The following CC2D2A variants were observed in gnomAD, a reference collection of about 807,000 sequenced individuals.
CC2D2A encodes the protein coiled-coil and C2 domain-containing protein 2A.
In CC2D2A, 155 loss-of-function variants were observed where a neutral mutation model predicts 212.9. That is an observed-to-expected ratio of 0.73 (90% CI 0.64 to 0.83). The LOEUF is 0.83. Among genes scored for constraint, CC2D2A ranks in the 40% least tolerant of loss-of-function variants. The pLI, the probability that CC2D2A is intolerant of heterozygous loss-of-function variation, is 0.00. For missense variants in CC2D2A, 1,856 were observed against 1,956.2 expected, an observed-to-expected ratio of 0.95 and a Z score of 0.97; for synonymous variants, 667 against 686.5, an observed-to-expected ratio of 0.97 and a Z score of 0.44.
chr4:15,472,689 T>C (rs919366823), intron 1 of CC2D2A, among the ~76,000 whole-genome samples: 3 of 151,562 alleles, frequency 2.0e-5, no homozygotes, highest in Non-Finnish European at 2.9e-5. Flanking sequence ...AGTTGTTCAT[T>C]AGAGAGCTCT....
At chr4:15,501,159 C>A (rs1216705884) in intron 4 of CC2D2A, among the ~76,000 whole-genome samples, 1 of 152,130 alleles carries the variant, frequency 6.6e-6, no homozygotes, top group Non-Finnish European at 1.5e-5. Context: ...GGCTGTACCT[C>A]CAGGTTTTGG....
chr4:15,476,068 T>C (rs907018522), intron 2 of CC2D2A, 97 bp downstream of exon 2: 4 of 969,218 alleles, frequency 4.1e-6, no homozygotes, highest in Middle Eastern at 2.1e-4. Context: ...AACCAGCATC[T>C]ATTGCACATG....
intron 1 of CC2D2A, among the ~76,000 whole-genome samples, chr4:15,470,676 TC>T (rs1342611781): frequency 2.9e-5 from 2 of 69,418 alleles, no homozygotes; most frequent in African/African-American, 1.2e-4. Context: ...TCTCTCTCTC[TC>T]TCTCTCTCTC....
chr4:15,574,935 G>A (rs1043514268), intron 29 of CC2D2A, among the ~76,000 whole-genome samples: 15 of 152,296 alleles, frequency 9.8e-5, no homozygotes, highest in Middle Eastern at 3.4e-3. Flanking sequence ...TTCCATTACT[G>A]GAACGCTACG....
chr4:15,482,523 T>G (rs1030517225), intron 4 of CC2D2A, among the ~76,000 whole-genome samples: 1 of 152,164 alleles, frequency 6.6e-6, no homozygotes, highest in African/African-American at 2.4e-5. Context: ...TCTCTGTGCC[T>G]GCACTGGGGG....
At chr4:15,589,439 C>A (rs1261114482) in intron 32 of CC2D2A, 106 bp from the exon 33 acceptor site, 1 of 976,256 alleles carries the variant, frequency 1.0e-6, no homozygotes, top group Non-Finnish European at 1.5e-6. Flanking sequence ...CATGAAATTT[C>A]AGAAATTAAG....
At chr4:15,498,445 G>A (rs959391934) in intron 4 of CC2D2A, among the ~76,000 whole-genome samples, 17 of 152,016 alleles carry the variant, frequency 1.1e-4, no homozygotes, top group African/African-American at 4.1e-4. Flanking sequence ...TGTGTCAAAG[G>A]GCCATTTTCT....
At chr4:15,591,000 T>C (rs994342193) in intron 33 of CC2D2A, among the ~76,000 whole-genome samples, 6 of 152,154 alleles carry the variant, frequency 3.9e-5, no homozygotes, top group Non-Finnish European at 4.4e-5. Context: ...AGTGCTGGGA[T>C]TACAGGCGCG....
chr4:15,516,825 G>T, intron 11 of CC2D2A, 69 bp downstream of exon 11: 1 of 1,472,766 alleles, frequency 6.8e-7, no homozygotes, highest in East Asian at 2.4e-5. Flanking sequence ...AATAGCTTGG[G>T]GTGCTATATT....
Position 15,597,483 on chromosome 4 carries a change from A to C in CC2D2A, c.4496+18A>C. The C allele has an allele frequency of 6.5e-7, 1 of 1,544,722 alleles. No homozygotes were observed. Among genetic ancestry groups the C allele is most frequent in the Non-Finnish European group, 8.8e-7 (1 of 1,140,104 alleles). On this transcript the variant is annotated intron_variant, in intron 35 of 36. Coordinates refer to ENST00000424120, the MANE Select transcript of CC2D2A (RefSeq NM_001378615.1). ...CAAGACAGGTAACATAACATCCATAAATCCACATGTAATCTGTCACTAGGA... is the reference window on the plus strand; with the variant it reads ...CAAGACAGGTAACATAACATCCATACATCCACATGTAATCTGTCACTAGGA...
chr4:15,594,927 A>G (rs1429468561), intron 33 of CC2D2A, among the ~76,000 whole-genome samples: 2 of 151,900 alleles, frequency 1.3e-5, no homozygotes, highest in South Asian at 4.2e-4. Flanking sequence ...CAGCCTCTCA[A>G]GCATCTAGGA....
intron 1 of CC2D2A, among the ~76,000 whole-genome samples, chr4:15,472,813 C>T (rs759494818): frequency 6.6e-6 from 1 of 152,012 alleles, no homozygotes; most frequent in Non-Finnish European, 1.5e-5. Context: ...ATTTTTTGTA[C>T]CCTGTGATGA....
At chr4:15,503,012 C>A in intron 6 of CC2D2A, 89 bp downstream of exon 6, 3 of 915,424 alleles carry the variant, frequency 3.3e-6, no homozygotes, top group Non-Finnish European at 4.9e-6. Flanking sequence ...GAGCTATGCA[C>A]AGAGGAGGTA....
chr4:15,507,003 G>A (rs759812265), intron 6 of CC2D2A, among the ~76,000 whole-genome samples: 3 of 151,392 alleles, frequency 2.0e-5, no homozygotes, highest in Non-Finnish European at 4.4e-5. Context: ...TCGTGAACGC[G>A]GGAGGCAGAG....
chr4:15,530,028 G>A (rs1233765158), intron 13 of CC2D2A, among the ~76,000 whole-genome samples: 2 of 151,568 alleles, frequency 1.3e-5, no homozygotes, highest in African/African-American at 2.4e-5. Context: ...CTGGAGTGCA[G>A]TGGTGCGATT....
At chr4:15,502,375 T>C in intron 4 of CC2D2A, 54 bp from the exon 5 acceptor site, 1 of 1,442,560 alleles carries the variant, frequency 6.9e-7, no homozygotes, top group Non-Finnish European at 9.4e-7. Flanking sequence ...TTTTCCTTTT[T>C]CTTTTCTTTT....
chr4:15,475,910 G>C lies in CC2D2A; in HGVS notation c.-18-5G>C. 1 of 1,575,598 alleles carries C rather than the reference G, an allele frequency of 6.3e-7. No homozygotes were observed. On this transcript the variant is annotated splice_polypyrimidine_tract_variant and splice_region_variant and intron_variant, in intron 1 of 36. Transcript: ENST00000424120. Reference sequence around the variant, plus strand: ...ATGCCTGACTTCTTCATTGTTCTTTGTCAGGGACCCATCCCAGCCAAAATG... The same window carrying C: ...ATGCCTGACTTCTTCATTGTTCTTTCTCAGGGACCCATCCCAGCCAAAATG...
At chr4:15,533,485 C>T in intron 14 of CC2D2A, 152 bp downstream of exon 14, 1 of 501,016 alleles carries the variant, frequency 2.0e-6, no homozygotes, top group South Asian at 3.6e-5. Context: ...CCTGAGCAGC[C>T]CCTCCCAAAT....
rs776450485 is a variant in CC2D2A, at chr4:15,563,415, A to G, written c.3075A>G (p.Arg1025=). The change falls in exon 24 of 37, where the codon AGA becomes AGG. Residue 1025 remains arginine, a synonymous_variant. Transcript: ENST00000424120. ...AAAAGCGACCACTGCGGCCAAGGAG[A>G]AAAGGTCGGAAGAAGGTGACAGCCC... ...AEQKRPLRPR[R]KGRKKVTAQN... The G allele has an allele frequency of 1.2e-6, 2 of 1,609,436 alleles. No individual in the cohort carries two copies. Among genetic ancestry groups the G allele is most frequent in the Non-Finnish European group, 1.7e-6 (2 of 1,177,802 alleles).
Sources: gnomAD v4.1 joint callset for allele counts (sites outside exome capture counted in the v4.1 genomes callset) on GRCh38, gnomAD v4.1.1 for gene constraint, MANE v1.5 for transcripts, NCBI Gene and HGNC (gene_info 2026-07-23, HGNC 2026-07-21) for gene names.